The following COL24A1 variants were observed in gnomAD, a reference collection of about 807,000 sequenced individuals.
The protein encoded by COL24A1 is collagen type XXIV alpha 1 chain.
COL24A1 carries 224 observed loss-of-function variants against 253.9 expected under a neutral mutation model. The observed-to-expected ratio is 0.88, with a 90% CI of 0.79 to 0.99. COL24A1 has a LOEUF of 0.99. COL24A1 is among the 50% of genes least tolerant of loss of function. The pLI is 0.00. For synonymous variants in COL24A1, 685 were observed against 673.7 expected (o/e 1.02, Z -0.26); for missense variants, 2,131 against 2,068.5 (o/e 1.03, Z -0.59).
At chr1:85,731,669 T>C (rs1200227232) in intron 59 of COL24A1, among the ~76,000 whole-genome samples, 1 of 152,184 alleles carries the variant, frequency 6.6e-6, no homozygotes, top group Non-Finnish European at 1.5e-5. Context: ...AATACAATAG[T>C]TCTGGCTTCT....
At chr1:85,784,721 G>GTTTA (rs1321144087) in intron 48 of COL24A1, among the ~76,000 whole-genome samples, 6 of 151,758 alleles carry the variant, frequency 4.0e-5, no homozygotes, top group Non-Finnish European at 5.9e-5. Flanking sequence ...CTTATATTTT[G>GTTTA]TTTATTTATT....
chr1:85,788,551 A>C (rs1013213592), intron 47 of COL24A1, among the ~76,000 whole-genome samples: 1 of 152,158 alleles, frequency 6.6e-6, no homozygotes, highest in Non-Finnish European at 1.5e-5. Context: ...TCTGCTGTGC[A>C]GAAGCTCTTT....
At chr1:86,147,752 A>C (rs537709996) in intron 1 of COL24A1, among the ~76,000 whole-genome samples, 30 of 152,192 alleles carry the variant, frequency 2.0e-4, no homozygotes, top group Admixed American at 4.6e-4. Context: ...TAGAACATTC[A>C]CTGTGTTTAT....
intron 24 of COL24A1, among the ~76,000 whole-genome samples, chr1:85,944,115 G>A (rs1300185508): frequency 6.6e-6 from 1 of 152,196 alleles, no homozygotes; most frequent in Non-Finnish European, 1.5e-5. Context: ...ATATGGCTAT[G>A]TGCATATGTA....
intron 47 of COL24A1, 97 bp from the exon 48 acceptor site, chr1:85,786,558 G>A (rs973338491): frequency 6.8e-5 from 70 of 1,032,590 alleles, no homozygotes; most frequent in East Asian, 4.7e-4. Context: ...CCCGAAAGGC[G>A]TCTGTTAACA....
chr1:85,987,845 A>G (rs1468074975), intron 19 of COL24A1, among the ~76,000 whole-genome samples, 191 bp from the exon 20 acceptor site: 2 of 151,960 alleles, frequency 1.3e-5, no homozygotes, highest in East Asian at 1.9e-4. Context: ...GTACTAAAAT[A>G]GAATTTACTC....
At chr1:85,871,843 G>A (rs925533847) in intron 35 of COL24A1, among the ~76,000 whole-genome samples, 1 of 152,138 alleles carries the variant, frequency 6.6e-6, no homozygotes, top group Non-Finnish European at 1.5e-5. Context: ...GGAAGTTCTG[G>A]CCAGGGCAAT....
At chr1:85,894,985 A>C (rs1444824383) in intron 31 of COL24A1, among the ~76,000 whole-genome samples, 1 of 152,106 alleles carries the variant, frequency 6.6e-6, no homozygotes, top group African/African-American at 2.4e-5. Context: ...ATCTATTTAT[A>C]TTATCTATTT....
chr1:85,734,552 GAC>G (rs1224008448), intron 59 of COL24A1, among the ~76,000 whole-genome samples, 195 bp downstream of exon 59: 1 of 152,114 alleles, frequency 6.6e-6, no homozygotes, highest in Non-Finnish European at 1.5e-5. Context: ...CAATTGGTAT[GAC>G]ACAAGTTGAT....
chr1:85,978,754 T>TA (rs1429645601), intron 20 of COL24A1, among the ~76,000 whole-genome samples: 1 of 152,186 alleles, frequency 6.6e-6, no homozygotes, highest in Non-Finnish European at 1.5e-5. Context: ...GGGATGTTGA[T>TA]ACTCTACTGA....
chr1:86,009,137 A>C (rs1000041839), intron 19 of COL24A1, among the ~76,000 whole-genome samples: 4 of 152,354 alleles, frequency 2.6e-5, no homozygotes, highest in African/African-American at 9.6e-5. Context: ...ATGGAAAAAC[A>C]AGAATGCAAA....
chr1:85,796,710 A>G (rs189783466), intron 47 of COL24A1, among the ~76,000 whole-genome samples: 26 of 152,344 alleles, frequency 1.7e-4, no homozygotes, highest in African/African-American at 6.3e-4. Flanking sequence ...TATTATTATG[A>G]AAAGATGATA....
At chr1:85,790,574 G>T in intron 47 of COL24A1, among the ~76,000 whole-genome samples, 1 of 150,480 alleles carries the variant, frequency 6.6e-6, no homozygotes, top group Admixed American at 6.6e-5. Flanking sequence ...CCATTGCTTT[G>T]TACTGTTGCT....
intron 24 of COL24A1, among the ~76,000 whole-genome samples, chr1:85,927,823 C>A (rs1475015105): frequency 1.6e-5 from 2 of 122,620 alleles, no homozygotes. Context: ...CAGGGGCACA[C>A]TGACACCTCA....
At chr1:85,913,459 T>A (rs893390868) in intron 24 of COL24A1, among the ~76,000 whole-genome samples, 1 of 152,148 alleles carries the variant, frequency 6.6e-6, no homozygotes, top group Non-Finnish European at 1.5e-5. Context: ...CCCCTAGTCA[T>A]CCACTAGAAA....
chr1:85,786,529 A>C (rs1669704506), intron 47 of COL24A1, 68 bp from the exon 48 acceptor site: 3 of 1,435,022 alleles, frequency 2.1e-6, no homozygotes, highest in African/African-American at 1.4e-5. Flanking sequence ...GGCTCAATAA[A>C]ATGTAGGAAG....
rs1553257831 is a variant in COL24A1, at chr1:86,011,018, T to TGAGGACAGGACAGAAAGGTAGG, written c.2310+6111_2310+6132dup. Among the ~76,000 whole-genome samples the TGAGGACAGGACAGAAAGGTAGG allele has an allele frequency of 1.5e-4, 23 of 152,200 alleles. No individual in the cohort carries two copies. The East Asian group carries it at 4.2e-3, about 28-fold the overall frequency. On this transcript the variant is annotated intron_variant, in intron 19 of 59. Transcript: ENST00000370571. ...AGAACACTGAAAAAGAATAAGAGGA[T>TGAGGACAGGACAGAAAGGTAGG]GAGGACAGGACAGAAAGGTAGGGAG...
chr1:85,908,469 G>C lies in COL24A1; in HGVS notation c.2724+129C>G, dbSNP rs1228935413. 8 of 514,330 alleles carry C rather than the reference G, an allele frequency of 1.6e-5. No homozygotes were observed. The African/African-American group carries it at 1.6e-4, about 10-fold the overall frequency. The allele number at this position is 514,330 out of a possible 1,614,324, so 31.9% of individuals were successfully genotyped here. A position where few individuals can be genotyped will look rare whatever the true frequency, so the allele number is the denominator to read the frequency against. ...TCAAGAGTGTTTTGTATAGTTGGGA[G>C]AGAAGCAGTCTCCACTAGTTTACAC... On this transcript the variant is annotated intron_variant, in intron 27 of 59. Coordinates refer to ENST00000370571, the MANE Select transcript of COL24A1 (RefSeq NM_152890.7).
At chr1:86,018,305 T>A (rs1273307183) in intron 18 of COL24A1, among the ~76,000 whole-genome samples, 1 of 152,154 alleles carries the variant, frequency 6.6e-6, no homozygotes, top group Non-Finnish European at 1.5e-5. Flanking sequence ...CAGGACACCA[T>A]AAACTACTGC....
Sources: allele counts gnomAD v4.1 joint callset (sites outside exome capture counted in the v4.1 genomes callset), GRCh38; gene constraint gnomAD v4.1.1; transcripts MANE v1.5; gene names NCBI Gene and HGNC (gene_info 2026-07-23, HGNC 2026-07-21).